Variants in LRIF1 observed in about 807,000 individuals in gnomAD.
The protein encoded by LRIF1 is ligand-dependent nuclear receptor-interacting factor 1.
LRIF1 carries 32 observed loss-of-function variants against 52.7 expected under a neutral mutation model. The observed-to-expected ratio is 0.61, with a 90% confidence interval of 0.46 to 0.82. The LOEUF is 0.82. Ranked by LOEUF, LRIF1 falls within the 40% of genes least tolerant of loss-of-function variation. LRIF1 has a pLI of 0.00. For synonymous variants in LRIF1, 323 were observed against 317.4 expected, an observed-to-expected ratio of 1.02 and a Z score of -0.19; for missense variants, 887 against 892.0, an observed-to-expected ratio of 0.99 and a Z score of 0.07.
chr1:110,916,219 T>C, the LRIF1 span, among the ~76,000 whole-genome samples: 3 of 152,158 alleles, frequency 2.0e-5, no homozygotes, highest in Non-Finnish European at 2.9e-5. Flanking sequence ...ATAATCTAAA[T>C]ATATTTTGAC....
In LRIF1 at chr1:110,963,817, G is replaced by T. The variant is rs1659068978; in HGVS notation, c.-129C>A. On this transcript the variant is annotated 5_prime_UTR_variant, in exon 1 of 4. Transcript: ENST00000369763. ...TGCCCACAGCAACTGTGAGGGGTTC[G>T]ACCTTAACGGAGGGCGACAGCGGGC... The T allele has an allele frequency of 1.5e-6, 1 of 657,030 alleles. No homozygotes were observed. Among genetic ancestry groups the T allele is most frequent in the Non-Finnish European group, 2.6e-6 (1 of 380,002 alleles). 40.7% of individuals were successfully genotyped at this position (657,030 alleles called of 1,614,324 possible). A position where few individuals can be genotyped will look rare whatever the true frequency, so the allele number is the denominator to read the frequency against.
In LRIF1 at chr1:110,963,725, G is replaced by A; in HGVS notation, c.-37C>T. On this transcript the variant is annotated 5_prime_UTR_variant, in exon 1 of 4. Coordinates refer to ENST00000369763, the MANE Select transcript of LRIF1 (RefSeq NM_018372.4). ...GAAAGGGGACACCTCATCCAGAAAA[G>A]TGGGAAGCGTGGGGCCGAGTTTCCC... is the stretch of plus-strand genomic sequence containing the variant. The A allele has an allele frequency of 6.6e-7, 1 of 1,525,958 alleles. No homozygotes were observed. Among genetic ancestry groups the A allele is most frequent in the South Asian group, 1.2e-5 (1 of 86,740 alleles). 94.5% of individuals were successfully genotyped at this position (1,525,958 alleles called of 1,614,324 possible).
At chr1:110,901,477 CTT>C in the LRIF1 span, among the ~76,000 whole-genome samples, 9,127 of 115,614 alleles carry the variant, frequency 0.079, 352 homozygotes, top group East Asian at 0.18. Context: ...CGCACCCGGC[CTT>C]TTTTTTTTTT....
the LRIF1 span, among the ~76,000 whole-genome samples, chr1:110,935,550 T>C: frequency 6.6e-6 from 1 of 152,236 alleles, no homozygotes; most frequent in East Asian, 1.9e-4. Flanking sequence ...AAAAATGCAG[T>C]TGGCATATTG....
At chr1:110,959,663 T>A (rs1246289840) in intron 1 of LRIF1, among the ~76,000 whole-genome samples, 2 of 137,870 alleles carry the variant, frequency 1.5e-5, no homozygotes, top group African/African-American at 5.6e-5. Flanking sequence ...GGCAGGAGAA[T>A]CACTTGAACC....
intron 1 of LRIF1, among the ~76,000 whole-genome samples, chr1:110,962,797 A>AT (rs898247362): frequency 2.3e-4 from 35 of 152,288 alleles, no homozygotes; most frequent in African/African-American, 8.4e-4. Flanking sequence ...TTTTCTTATT[A>AT]GAGTCTGCAG....
the LRIF1 span, chr1:110,938,038 T>A: frequency 2.0e-5 from 3 of 151,916 alleles, no homozygotes; most frequent in African/African-American, 7.3e-5. Flanking sequence ...AAAAGACCAA[T>A]AAAAATAGTA....
chr1:110,885,806 G>A, the LRIF1 span, among the ~76,000 whole-genome samples: 1 of 151,948 alleles, frequency 6.6e-6, no homozygotes, highest in Non-Finnish European at 1.5e-5. Flanking sequence ...GGAGGTTGCA[G>A]TGAGCCGAGA....
chr1:110,884,149 A>G, the LRIF1 span, among the ~76,000 whole-genome samples: 4 of 152,204 alleles, frequency 2.6e-5, no homozygotes, highest in African/African-American at 9.6e-5. Context: ...ATAGACATTT[A>G]GCACTAAAAT....
the LRIF1 span, chr1:110,941,774 A>C: frequency 1.3e-5 from 2 of 152,114 alleles, no homozygotes; most frequent in Non-Finnish European, 2.9e-5. Context: ...TGATTCCAAG[A>C]GTCAGAGCTA....
chr1:110,941,598 CT>C, the LRIF1 span: 1 of 152,022 alleles, frequency 6.6e-6, no homozygotes, highest in Non-Finnish European at 1.5e-5. Flanking sequence ...TTAGAGTTAC[CT>C]AGTTATTTTC....
intron 2 of LRIF1, 23 bp downstream of exon 2, chr1:110,951,265 G>A: frequency 6.4e-7 from 1 of 1,566,670 alleles, no homozygotes; most frequent in Non-Finnish European, 8.6e-7. Context: ...TATAAAAAGA[G>A]CACCCTGACA....
the LRIF1 span, chr1:110,892,714 G>A: frequency 1.2e-5 from 7 of 570,540 alleles, no homozygotes; most frequent in Admixed American, 1.0e-4. Flanking sequence ...AGGGTCCCAC[G>A]GACAGGTGAA....
chr1:110,899,000 T>TCTCTCTTTCAAG, the LRIF1 span: 47 of 667,940 alleles, frequency 7.0e-5, no homozygotes, highest in Middle Eastern at 7.6e-4. Context: ...GACTTGAAAG[T>TCTCTCTTTCAAG]AATGGTTGGA....
chr1:110,902,810 C>T, the LRIF1 span, among the ~76,000 whole-genome samples: 95 of 152,302 alleles, frequency 6.2e-4, no homozygotes, highest in African/African-American at 2.2e-3. Flanking sequence ...AAACCACCTT[C>T]GTATGAACCA....
chr1:110,937,217 T>C, the LRIF1 span: 1 of 152,108 alleles, frequency 6.6e-6, no homozygotes, highest in Admixed American at 6.5e-5. Context: ...ATCTGCACTA[T>C]TGACCAAATG....
intron 1 of LRIF1, among the ~76,000 whole-genome samples, chr1:110,958,463 G>GTAA (rs2101120491): frequency 6.6e-6 from 1 of 152,218 alleles, no homozygotes; most frequent in East Asian, 1.9e-4. Context: ...TTTTTAAAAT[G>GTAA]AGTATTGTTT....
At chr1:110,889,416 G>A in the LRIF1 span, among the ~76,000 whole-genome samples, 12 of 151,946 alleles carry the variant, frequency 7.9e-5, no homozygotes, top group African/African-American at 2.7e-4. Flanking sequence ...AAAATTAGCC[G>A]GGCGTGGTGA....
the LRIF1 span, chr1:110,937,550 AT>A: frequency 6.6e-6 from 1 of 152,132 alleles, no homozygotes; most frequent in Non-Finnish European, 1.5e-5. Flanking sequence ...GAAACACAAC[AT>A]ACCAAAACTT....
Sources: gnomAD v4.1 joint callset for allele counts (sites outside exome capture counted in the v4.1 genomes callset) on GRCh38, gnomAD v4.1.1 for gene constraint, MANE v1.5 for transcripts, NCBI Gene and HGNC (gene_info 2026-07-23, HGNC 2026-07-21) for gene names.